UNC13C: variants seen among roughly 807,000 people sequenced by gnomAD.
UNC13C encodes protein unc-13 homolog C.
A neutral mutation model predicts 245.4 loss-of-function variants in UNC13C; 174 were observed. The observed-to-expected ratio is 0.71, with a 90% CI of 0.63 to 0.80. The LOEUF is 0.80. Ranked by LOEUF, UNC13C falls within the 30% of genes least tolerant of loss-of-function variation. The pLI, the probability that UNC13C is intolerant of heterozygous loss-of-function variation, is 0.00. For missense variants in UNC13C, 2,829 were observed against 2,602.9 expected (o/e 1.09, Z -1.89); for synonymous variants, 992 against 895.1 (o/e 1.11, Z -1.93).
chr15:54,156,230 G>C (rs972651642), intron 4 of UNC13C, among the ~76,000 whole-genome samples: 2 of 152,122 alleles, frequency 1.3e-5, no homozygotes, highest in African/African-American at 4.8e-5. Flanking sequence ...GGTGCACTCA[G>C]GCATAGCAGG....
At chr15:54,541,479 G>T (rs1339604227) in intron 26 of UNC13C, among the ~76,000 whole-genome samples, 3 of 152,018 alleles carry the variant, frequency 2.0e-5, no homozygotes, top group African/African-American at 7.2e-5. Context: ...AGAGGCCAGG[G>T]TCATATGATA....
rs2037269282 is a variant in UNC13C at position 54,290,525 on chromosome 15, T to C, written c.3819-3370T>C. Among the ~76,000 whole-genome samples, 3 of 152,252 alleles carry C rather than the reference T, an allele frequency of 2.0e-5. 1 individual carries two copies. In the South Asian group the frequency reaches 6.2e-4, roughly 32 times the overall value. On this transcript the variant is annotated intron_variant, in intron 10 of 32. Coordinates refer to ENST00000260323, the MANE Select transcript of UNC13C (RefSeq NM_001080534.3). Reference sequence around the variant, plus strand: ...TTTATAGTTGTCCTTCATCTATTGGTATCCCATTTATTTTGAACAGAAATT... The same window carrying C: ...TTTATAGTTGTCCTTCATCTATTGGCATCCCATTTATTTTGAACAGAAATT...
chr15:53,904,100 C>A, the UNC13C span, among the ~76,000 whole-genome samples: 1 of 152,194 alleles, frequency 6.6e-6, no homozygotes, highest in African/African-American at 2.4e-5. Context: ...TGGCCAAATG[C>A]AAGGCTTAGA....
chr15:54,253,697 C>T (rs1455644623), intron 8 of UNC13C, among the ~76,000 whole-genome samples: 2 of 152,292 alleles, frequency 1.3e-5, no homozygotes, highest in East Asian at 1.9e-4. Context: ...AAGGAACTTG[C>T]TGTAGCACCT....
At chr15:53,872,512 G>A in the UNC13C span, among the ~76,000 whole-genome samples, 6 of 152,072 alleles carry the variant, frequency 3.9e-5, no homozygotes, top group African/African-American at 1.4e-4. Flanking sequence ...CATGTAAAAT[G>A]CCACTGCTGT....
intron 26 of UNC13C, 84 bp downstream of exon 26, chr15:54,533,150 G>C: frequency 2.0e-6 from 2 of 1,003,408 alleles, no homozygotes; most frequent in South Asian, 1.7e-5. Flanking sequence ...GTTTTCCTCT[G>C]TGTAAGGTAG....
chr15:53,970,433 C>T, the UNC13C span, among the ~76,000 whole-genome samples: 1 of 152,148 alleles, frequency 6.6e-6, no homozygotes, highest in African/African-American at 2.4e-5. Context: ...TTTCTTTACC[C>T]ACTCATCCAT....
intron 24 of UNC13C, 62 bp from the exon 25 acceptor site, chr15:54,525,487 A>G: frequency 7.9e-7 from 1 of 1,266,362 alleles, no homozygotes. Flanking sequence ...AATGCTTGTA[A>G]GCAAAACAGA....
chr15:54,376,738 G>A (rs557901395), intron 17 of UNC13C, among the ~76,000 whole-genome samples: 1 of 152,300 alleles, frequency 6.6e-6, no homozygotes, highest in African/African-American at 2.4e-5. Context: ...TCTATGCTCT[G>A]CTTCTCTGAG....
At chr15:54,090,212 T>C (rs534979855) in intron 2 of UNC13C, among the ~76,000 whole-genome samples, 1 of 152,264 alleles carries the variant, frequency 6.6e-6, no homozygotes, top group African/African-American at 2.4e-5. Flanking sequence ...ACCTCCTCTT[T>C]GGGTCCTTTT....
intron 8 of UNC13C, among the ~76,000 whole-genome samples, chr15:54,260,568 ATATATG>A (rs2036397192): frequency 6.7e-6 from 1 of 149,184 alleles, no homozygotes; most frequent in Non-Finnish European, 1.5e-5. Context: ...ATAAACACAC[ATATATG>A]TATATGTATG....
intron 17 of UNC13C, among the ~76,000 whole-genome samples, chr15:54,364,670 C>T (rs1007554554): frequency 2.6e-5 from 4 of 152,132 alleles, no homozygotes; most frequent in African/African-American, 9.7e-5. Context: ...ACATCCAAAA[C>T]CTTTATGGAA....
intron 2 of UNC13C, among the ~76,000 whole-genome samples, chr15:54,062,767 A>G (rs1391546136): frequency 1.3e-5 from 2 of 152,216 alleles, no homozygotes; most frequent in African/African-American, 2.4e-5. Context: ...CTGTTGTTCA[A>G]TAAGCCCTTC....
rs1169799104 is a variant in UNC13C at position 54,020,462 on chromosome 15, TTAA to T, written c.2983+4578_2983+4580del. Reference sequence around the variant, plus strand: ...GCTAATTTTTTTTTTTTTTTTTTTTTTAATTAGAGATGGAGTTTCACCATATTA... The same window carrying T: ...GCTAATTTTTTTTTTTTTTTTTTTTTTTAGAGATGGAGTTTCACCATATTA... On this transcript the variant is annotated intron_variant, in intron 2 of 32. Transcript: ENST00000260323. 1.1e-4 allele frequency among the ~76,000 whole-genome samples: 12 copies of T among 113,602 alleles called. 1 individual carries two copies. Among genetic ancestry groups the T allele is most frequent in the Non-Finnish European group, 1.4e-4 (7 of 50,608 alleles). The allele number at this position is 113,602 out of a possible 152,430, so 74.5% of individuals were successfully genotyped here.
rs944856369 is a variant in UNC13C at position 54,254,930 on chromosome 15, C to T, written c.3448+4486C>T. ...CCCCGCCATGATAACTCCTCAGGAC[C>T]CGCCATCTACAGCCAACCGCCAATA... On this transcript the variant is annotated intron_variant, in intron 8 of 32. Coordinates refer to ENST00000260323, the MANE Select transcript of UNC13C (RefSeq NM_001080534.3). Among the ~76,000 whole-genome samples the T allele has an allele frequency of 3.9e-5, 6 of 152,106 alleles. No individual in the cohort carries two copies. In the South Asian group the frequency reaches 1.2e-3, roughly 32 times the overall value.
chr15:54,508,905 C>T (rs899641374), intron 23 of UNC13C, among the ~76,000 whole-genome samples: 3 of 152,004 alleles, frequency 2.0e-5, no homozygotes, highest in Admixed American at 6.6e-5. Flanking sequence ...ATTTAAGATA[C>T]GACCATAATA....
intron 4 of UNC13C, among the ~76,000 whole-genome samples, chr15:54,227,041 G>A (rs80283569): frequency 6.6e-6 from 1 of 152,096 alleles, no homozygotes; most frequent in Non-Finnish European, 1.5e-5. Flanking sequence ...AGTGGGTCCT[G>A]AGTCCTTATA....
intron 17 of UNC13C, among the ~76,000 whole-genome samples, chr15:54,384,229 G>A (rs541219982): frequency 4.6e-5 from 7 of 152,144 alleles, no homozygotes; most frequent in South Asian, 4.2e-4. Context: ...GAACAAACCC[G>A]GAGGCATCAT....
chr15:53,930,674 T>G, the UNC13C span, among the ~76,000 whole-genome samples: 1 of 152,190 alleles, frequency 6.6e-6, no homozygotes, highest in Non-Finnish European at 1.5e-5. Context: ...ATCTGCCCCT[T>G]TGTACTCACA....
Sources: gnomAD v4.1 joint callset for allele counts (sites outside exome capture counted in the v4.1 genomes callset) on GRCh38, gnomAD v4.1.1 for gene constraint, MANE v1.5 for transcripts, NCBI Gene and HGNC (gene_info 2026-07-23, HGNC 2026-07-21) for gene names.